Variants in VRK2 observed in about 807,000 individuals in gnomAD.
VRK2 encodes serine/threonine-protein kinase VRK2.
In VRK2, 60 loss-of-function variants were observed where a neutral mutation model predicts 57.6. The observed-to-expected ratio is 1.04, with a 90% CI of 0.85 to 1.29. The LOEUF (loss-of-function observed/expected upper bound fraction) is 1.29, where lower values mean the gene tolerates loss of function less well. VRK2 is among the 50% of genes most tolerant of loss of function. The probability of loss-of-function intolerance (pLI) is 0.00; values close to 1 mark genes in which losing one functional copy is unlikely to be tolerated. For synonymous variants in VRK2, 231 were observed against 199.2 expected (o/e 1.16, Z -1.35); for missense variants, 705 against 588.1 (o/e 1.20, Z -2.06).
chr2:58,152,923 G>C (rs1488688986), intron 12 of VRK2, among the ~76,000 whole-genome samples: 1 of 151,710 alleles, frequency 6.6e-6, no homozygotes, highest in Non-Finnish European at 1.5e-5. Context: ...ACCTTATTAG[G>C]ATATCACCAA....
At chr2:57,988,296 C>T (rs892557463) in intron 1 of VRK2, among the ~76,000 whole-genome samples, 3 of 152,056 alleles carry the variant, frequency 2.0e-5, no homozygotes, top group Non-Finnish European at 4.4e-5. Flanking sequence ...ATGATTTCTA[C>T]TTCTTGAGAT....
intron 8 of VRK2, among the ~76,000 whole-genome samples, chr2:58,126,839 A>G (rs1210665221): frequency 6.6e-6 from 1 of 152,110 alleles, no homozygotes; most frequent in Non-Finnish European, 1.5e-5. Flanking sequence ...TGTGTCAAAT[A>G]TAGTATTTTA....
At chr2:58,033,487 C>T (rs1674178968) in exon 3 of VRK2, 1 of 151,868 alleles carries the variant, frequency 6.6e-6, no homozygotes, top group South Asian at 2.1e-4. Context: ...TGAATTCTCC[C>T]CTAGAGCCTC....
intron 7 of VRK2, among the ~76,000 whole-genome samples, chr2:58,090,993 TG>T (rs1672295987): frequency 6.6e-6 from 1 of 152,208 alleles, no homozygotes; most frequent in Non-Finnish European, 1.5e-5. Flanking sequence ...TATGACATTC[TG>T]GAAAAGGCAA....
intron 1 of VRK2, among the ~76,000 whole-genome samples, chr2:57,917,993 T>C (rs1280876624): frequency 6.6e-6 from 1 of 152,088 alleles, no homozygotes; most frequent in Admixed American, 6.6e-5. Context: ...CAGAGGTGAA[T>C]GTAGACTTTG....
intron 1 of VRK2, among the ~76,000 whole-genome samples, chr2:57,959,760 G>C (rs1419576943): frequency 6.6e-6 from 1 of 152,126 alleles, no homozygotes; most frequent in African/African-American, 2.4e-5. Flanking sequence ...TTGGTGAACT[G>C]ATAGGAGAGA....
At chr2:58,138,044 C>A (rs1680799670) in intron 10 of VRK2, among the ~76,000 whole-genome samples, 1 of 152,152 alleles carries the variant, frequency 6.6e-6, no homozygotes, top group Admixed American at 6.6e-5. Flanking sequence ...CAGCTGCTAT[C>A]AGTTGGTGGA....
rs1023896533 is a variant in VRK2, at chr2:58,008,235, T to C, written c.-438-17430T>C. Among the ~76,000 whole-genome samples, 12 of 152,054 alleles carry C rather than the reference T, an allele frequency of 7.9e-5. 1 individual carries two copies. The highest frequency in any genetic ancestry group is 2.9e-4 in the African/African-American group (12 of 41,510). ...TCAATTACACTAGGGTCAAATAAGATCTATATAGTACATGACGCAAAGATG... is the reference window on the plus strand; with the variant it reads ...TCAATTACACTAGGGTCAAATAAGACCTATATAGTACATGACGCAAAGATG... On this transcript the variant is annotated intron_variant, in intron 1 of 15. Transcript: ENST00000417641.
intron 11 of VRK2, among the ~76,000 whole-genome samples, chr2:58,140,232 G>A (rs929793953): frequency 6.6e-6 from 1 of 151,864 alleles, no homozygotes; most frequent in Admixed American, 6.6e-5. Context: ...CAGGTTATTT[G>A]TATGTGCTGA....
intron 7 of VRK2, among the ~76,000 whole-genome samples, chr2:58,103,302 A>C (rs1674283115): frequency 6.6e-6 from 1 of 151,476 alleles, no homozygotes; most frequent in Admixed American, 6.6e-5. Context: ...AAATCAACAA[A>C]ATGAAAAGTT....
At chr2:58,137,184 T>TATATATC in intron 10 of VRK2, among the ~76,000 whole-genome samples, 2 of 112,142 alleles carry the variant, frequency 1.8e-5, no homozygotes, top group Admixed American at 9.2e-5. Flanking sequence ...ATATATATCA[T>TATATATC]ATATGATACA....
chr2:58,070,125 A>T (rs983385489), intron 2 of VRK2, among the ~76,000 whole-genome samples: 1 of 152,184 alleles, frequency 6.6e-6, no homozygotes, highest in Non-Finnish European at 1.5e-5. Flanking sequence ...TAAATATGTT[A>T]TAATTTATTA....
chr2:58,087,973 G>A (rs1377020728), intron 5 of VRK2, among the ~76,000 whole-genome samples: 3 of 152,032 alleles, frequency 2.0e-5, no homozygotes, highest in African/African-American at 4.8e-5. Context: ...GTGACAGAGC[G>A]GGACTCTGTC....
intron 1 of VRK2, among the ~76,000 whole-genome samples, chr2:57,988,599 C>T (rs1672670543): frequency 6.6e-6 from 1 of 152,198 alleles, no homozygotes; most frequent in Non-Finnish European, 1.5e-5. Context: ...AGGGCAAAGT[C>T]TCTTTCTTCT....
intron 3 of VRK2, among the ~76,000 whole-genome samples, chr2:58,035,552 T>A (rs1181380711): frequency 6.6e-6 from 1 of 152,038 alleles, no homozygotes; most frequent in Non-Finnish European, 1.5e-5. Flanking sequence ...TCATAGTTGA[T>A]TGAGTAGCCT....
At chr2:58,026,117 T>C (rs989172385) in intron 2 of VRK2, among the ~76,000 whole-genome samples, 1 of 152,148 alleles carries the variant, frequency 6.6e-6, no homozygotes, top group African/African-American at 2.4e-5. Context: ...TGTCTCACAT[T>C]GTACTCTGTC....
intron 1 of VRK2, among the ~76,000 whole-genome samples, chr2:57,940,209 G>A (rs4603748): frequency 0.25 from 38,661 of 151,894 alleles, 5,949 homozygotes; most frequent in African/African-American, 0.44. Flanking sequence ...CACCCCAGGA[G>A]AGCCTGTGGT....
chr2:58,136,981 CATAT>C (rs1295601211), intron 10 of VRK2, among the ~76,000 whole-genome samples: 1 of 127,178 alleles, frequency 7.9e-6, no homozygotes, highest in Non-Finnish European at 1.6e-5. Context: ...TATTATATAT[CATAT>C]ATATGTGTAT....
At chr2:58,114,821 G>C (rs1676172759) in intron 7 of VRK2, among the ~76,000 whole-genome samples, 1 of 152,180 alleles carries the variant, frequency 6.6e-6, no homozygotes, top group Non-Finnish European at 1.5e-5. Flanking sequence ...AGAAATGACT[G>C]TGGTGGCCTT....
Sources: gnomAD v4.1 joint callset for allele counts (sites outside exome capture counted in the v4.1 genomes callset) on GRCh38, gnomAD v4.1.1 for gene constraint, MANE v1.5 for transcripts, NCBI Gene and HGNC (gene_info 2026-07-23, HGNC 2026-07-21) for gene names.